DSC3: variants seen among roughly 807,000 people sequenced by gnomAD.
The protein encoded by DSC3 is desmocollin 3.
Under a neutral mutation model 89.5 loss-of-function variants are expected in DSC3, and 97 were observed. The ratio of observed to expected loss-of-function variants is 1.08; its 90% CI spans 0.92 to 1.28. The LOEUF (loss-of-function observed/expected upper bound fraction) is 1.28. DSC3 is among the 50% of genes most tolerant of loss of function. The probability of loss-of-function intolerance (pLI) is 0.00; values close to 1 mark genes in which losing one functional copy is unlikely to be tolerated. For missense variants in DSC3, 1,199 were observed against 1,085.3 expected, an observed-to-expected ratio of 1.10 and a Z score of -1.47; for synonymous variants, 436 against 384.1, an observed-to-expected ratio of 1.14 and a Z score of -1.58.
intron 2 of DSC3, among the ~76,000 whole-genome samples, 156 bp from the exon 3 acceptor site, chr18:31,031,328 C>T (rs544450592): frequency 6.6e-6 from 1 of 152,234 alleles, no homozygotes; most frequent in Non-Finnish European, 1.5e-5. Flanking sequence ...TTTTACATTA[C>T]TTAAAAAATG....
intron 1 of DSC3, among the ~76,000 whole-genome samples, chr18:31,035,318 A>C (rs913247411): frequency 6.6e-6 from 1 of 152,060 alleles, no homozygotes; most frequent in Non-Finnish European, 1.5e-5. Context: ...CAAAAATATC[A>C]CAAAAATATG....
chr18:30,990,964 A>G lies in DSC3; in HGVS notation c.*3211T>C, dbSNP rs968221889. ...CCAAAATATTCCCCATTAATACAACAAAGACATAATTATTTCTATTTCCAT... is the reference window on the plus strand; with the variant it reads ...CCAAAATATTCCCCATTAATACAACGAAGACATAATTATTTCTATTTCCAT... On this transcript the variant is annotated 3_prime_UTR_variant, in exon 16 of 16. Transcript: ENST00000360428. 2 of 115,432 alleles carry G rather than the reference A, an allele frequency of 1.7e-5. No individual in the cohort carries two copies. Among genetic ancestry groups the G allele is most frequent in the African/African-American group, 7.2e-5 (2 of 27,822 alleles). 7.2% of individuals were successfully genotyped at this position (115,432 alleles called of 1,614,324 possible).
chr18:31,001,019 T>C (rs995192551), intron 14 of DSC3, among the ~76,000 whole-genome samples: 1 of 149,212 alleles, frequency 6.7e-6, no homozygotes, highest in African/African-American at 2.5e-5. Context: ...ACTTTGTGTG[T>C]ATATATATAT....
At position 31,017,932 on chromosome 18, in the gene DSC3, G is replaced by A. The variant is rs144982165; in HGVS notation, c.1263+139C>T. The stretch of plus-strand genomic sequence containing the variant: ...AATTACAGAAGACACACAGGCATGA[G>A]ATTGGAATAGTGGTTTAAATAGATT... On this transcript the variant is annotated intron_variant, in intron 9 of 15. Transcript: ENST00000360428. 1.8e-4 allele frequency: 115 copies of A among 638,296 alleles called. No homozygotes were observed. In the African/African-American group the frequency reaches 1.9e-3, roughly 11 times the overall value. 39.5% of individuals were successfully genotyped at this position (638,296 alleles called of 1,614,324 possible).
rs1484787121 is a variant in DSC3, at chr18:31,018,066, T to C, written c.1263+5A>G. 1.2e-6 allele frequency: 2 copies of C among 1,610,086 alleles called. No homozygotes were observed. The highest frequency in any genetic ancestry group is 1.7e-5 in the Admixed American group (1 of 59,900). On this transcript the variant is annotated splice_donor_5th_base_variant and intron_variant, in intron 9 of 15. Coordinates refer to ENST00000360428, the MANE Select transcript of DSC3 (RefSeq NM_001941.5). ...TGCTAAGTTGTCAATTATACATTAC[T>C]GTACCTTTACAACAGAAAGAACACC...
chr18:30,994,390 A>G lies in DSC3; in HGVS notation c.2494-18T>C. The G allele has an allele frequency of 1.2e-6, 2 of 1,611,298 alleles. No homozygotes were observed. The highest frequency in any genetic ancestry group is 2.2e-5 in the South Asian group (2 of 90,740). ...TGCAATTTCTGTAAAATTTTTTAAA[A>G]AATGAATTGCATTATAGTTTTAAAC... On this transcript the variant is annotated intron_variant, in intron 15 of 15. Coordinates refer to ENST00000360428, the MANE Select transcript of DSC3 (RefSeq NM_001941.5).
chr18:31,004,077 A>G (rs924835001), intron 13 of DSC3, 65 bp downstream of exon 13: 6 of 1,287,068 alleles, frequency 4.7e-6, no homozygotes, highest in South Asian at 3.8e-5. Flanking sequence ...TATTTTTTAA[A>G]CATCTTTTCC....
At chr18:31,028,536 A>G (rs1384608050) in intron 4 of DSC3, among the ~76,000 whole-genome samples, 1 of 152,160 alleles carries the variant, frequency 6.6e-6, no homozygotes, top group East Asian at 1.9e-4. Flanking sequence ...ATATTCATGG[A>G]GAATAAACAA....
chr18:31,009,609 A>G (rs1984989580), intron 9 of DSC3, among the ~76,000 whole-genome samples: 1 of 152,224 alleles, frequency 6.6e-6, no homozygotes, highest in Non-Finnish European at 1.5e-5. Flanking sequence ...TTCACAGTGG[A>G]TACACAGAGG....
rs73952547 is a variant in DSC3 at position 31,010,177 on chromosome 18, G to A, written c.1264-1652C>T. The stretch of plus-strand genomic sequence containing the variant: ...ACGAGTCCACTAAAAAGTCAAGAAA[G>A]TTTCTGAATCTTAGAATCTACAAAA... On this transcript the variant is annotated intron_variant, in intron 9 of 15. Transcript: ENST00000360428. Among the ~76,000 whole-genome samples the A allele has an allele frequency of 7.5e-3, 1,135 of 152,244 alleles. 14 individuals are homozygous for A. The highest frequency in any genetic ancestry group is 0.026 in the African/African-American group (1,081 of 41,540).
At chr18:31,000,459 C>G (rs962683857) in intron 14 of DSC3, among the ~76,000 whole-genome samples, 5 of 152,154 alleles carry the variant, frequency 3.3e-5, no homozygotes, top group African/African-American at 4.8e-5. Context: ...GATTATACCT[C>G]TCTCCTGTAG....
intron 14 of DSC3, among the ~76,000 whole-genome samples, chr18:30,999,705 A>G (rs1289282470): frequency 6.6e-6 from 1 of 152,148 alleles, no homozygotes; most frequent in Non-Finnish European, 1.5e-5. Flanking sequence ...TTCTAGGTTT[A>G]CTTTTCCAGT....
intron 1 of DSC3, among the ~76,000 whole-genome samples, chr18:31,037,562 T>C (rs1986010566): frequency 6.6e-6 from 1 of 152,192 alleles, no homozygotes; most frequent in African/African-American, 2.4e-5. Flanking sequence ...CTTGTAACAT[T>C]CATTCATTCA....
intron 12 of DSC3, among the ~76,000 whole-genome samples, chr18:31,004,990 C>A (rs1053424821): frequency 1.3e-5 from 2 of 152,118 alleles, no homozygotes; most frequent in African/African-American, 4.8e-5. Context: ...ACCATATTGT[C>A]AACTAACCAA....
intron 1 of DSC3, 147 bp downstream of exon 1, chr18:31,042,445 C>T (rs978703732): frequency 1.2e-6 from 1 of 812,158 alleles, no homozygotes; most frequent in East Asian, 2.7e-5. Context: ...CCTGCAGGCC[C>T]GAACTTGGGG....
Position 31,025,915 on chromosome 18 carries a change from C to T in DSC3, c.475G>A (p.Val159Ile), listed in dbSNP as rs1985584346. 6.2e-7 allele frequency: 1 copy of T among 1,610,036 alleles called. No homozygotes were observed. Among genetic ancestry groups the T allele is most frequent in the Non-Finnish European group, 8.5e-7 (1 of 1,178,450 alleles). ...TAGTTCTGTGCTGCATCAGATTCAACCTAAAAGTAGAAAAAAAATATGCAA... is the reference window on the plus strand; with the variant it reads ...TAGTTCTGTGCTGCATCAGATTCAATCTAAAAGTAGAAAAAAAATATGCAA... ...LGPFPLFLQQ[V>I]ESDAAQNYTV... Residue 159 changes from valine (V) to isoleucine (I), a missense_variant and splice_region_variant, in exon 5 of 16, where the codon GTT becomes ATT. Physicochemically the swap from Val to Ile is conservative, Grantham distance 29. Coordinates refer to ENST00000360428, the MANE Select transcript of DSC3 (RefSeq NM_001941.5).
chr18:31,020,133 G>T (rs915705886), intron 7 of DSC3, among the ~76,000 whole-genome samples: 1 of 152,102 alleles, frequency 6.6e-6, no homozygotes, highest in Non-Finnish European at 1.5e-5. Context: ...AGTCCAAAAG[G>T]CACCTGGATA....
chr18:31,000,090 C>T lies in DSC3; in HGVS notation c.2235+1528G>A, dbSNP rs571366740. On this transcript the variant is annotated intron_variant, in intron 14 of 15. Transcript: ENST00000360428. ...CATCACAGGTTTCTACATGTAGGCA[C>T]GTCAAGCATAGATGGGCTATGATTT... is the stretch of plus-strand genomic sequence containing the variant. Among the ~76,000 whole-genome samples the T allele has an allele frequency of 6.6e-5, 10 of 152,026 alleles. No homozygotes were observed. In the East Asian group the frequency reaches 1.6e-3, roughly 24 times the overall value.
At position 31,008,057 on chromosome 18, in the gene DSC3, T is replaced by C. The variant is rs1234220771; in HGVS notation, c.1622A>G (p.Lys541Arg). 6.2e-7 allele frequency: 1 copy of C among 1,613,514 alleles called. No individual in the cohort carries two copies. The highest frequency in any genetic ancestry group is 1.7e-5 in the Admixed American group (1 of 59,962). Reference protein sequence around the residue: ...KILDREVETPKNELYNITVLA... With the variant: ...KILDREVETPRNELYNITVLA... ...GACTGTAATATTATACAACTCATTT[T>C]TGGGAGTTTCAACCTCCCTATCCAG... Residue 541 changes from lysine to arginine, a missense_variant, in exon 11 of 16, where the codon AAA becomes AGA. Lys to Arg is a conservative substitution (Grantham distance 26). Transcript: ENST00000360428.
Sources: allele counts gnomAD v4.1 joint callset (sites outside exome capture counted in the v4.1 genomes callset), GRCh38; gene constraint gnomAD v4.1.1; transcripts MANE v1.5; gene names NCBI Gene and HGNC (gene_info 2026-07-23, HGNC 2026-07-21).